ABCG2: variants seen among roughly 807,000 people sequenced by gnomAD.
ABCG2 encodes the protein broad substrate specificity ATP-binding cassette transporter ABCG2.
In ABCG2, 80 loss-of-function variants were observed where a neutral mutation model predicts 73.5. The ratio of observed to expected loss-of-function variants is 1.09; its 90% CI spans 0.91 to 1.31. ABCG2 has a LOEUF of 1.31. ABCG2 is among the 50% of genes most tolerant of loss of function. The pLI is 0.00. For missense variants in ABCG2, 796 were observed against 786.2 expected, an observed-to-expected ratio of 1.01 and a Z score of -0.15; for synonymous variants, 269 against 282.4, an observed-to-expected ratio of 0.95 and a Z score of 0.48.
At chr4:88,184,373 C>A (rs1363565332) in intron 1 of ABCG2, among the ~76,000 whole-genome samples, 1 of 152,108 alleles carries the variant, frequency 6.6e-6, no homozygotes, top group African/African-American at 2.4e-5. Context: ...GATACAAAAT[C>A]AACATACAAA....
At chr4:88,134,968 C>A (rs562705081) in intron 2 of ABCG2, among the ~76,000 whole-genome samples, 24 of 152,296 alleles carry the variant, frequency 1.6e-4, no homozygotes, top group African/African-American at 5.8e-4. Flanking sequence ...GTCCAGGGAT[C>A]AGCAGTTTTC....
intron 11 of ABCG2, among the ~76,000 whole-genome samples, chr4:88,099,751 C>G (rs1036305457): frequency 6.6e-6 from 1 of 152,204 alleles, no homozygotes; most frequent in Non-Finnish European, 1.5e-5. Flanking sequence ...TCCTCCCTCT[C>G]TTCAAAGAAT....
chr4:88,101,044 A>AT (rs1464914877), intron 11 of ABCG2, among the ~76,000 whole-genome samples, 186 bp downstream of exon 11: 2 of 152,080 alleles, frequency 1.3e-5, no homozygotes, highest in African/African-American at 4.8e-5. Context: ...CCCTATACAT[A>AT]TTTTCAAAAC....
chr4:88,186,048 A>G (rs1385259741), intron 1 of ABCG2, among the ~76,000 whole-genome samples: 1 of 152,178 alleles, frequency 6.6e-6, no homozygotes, highest in African/African-American at 2.4e-5. Flanking sequence ...TGACACAGAG[A>G]TATCTGCACT....
intron 1 of ABCG2, among the ~76,000 whole-genome samples, chr4:88,198,755 C>T (rs1235748143): frequency 1.3e-5 from 2 of 152,020 alleles, no homozygotes; most frequent in African/African-American, 4.8e-5. Flanking sequence ...ATGAAGATTG[C>T]CATTCATGAG....
intron 1 of ABCG2, among the ~76,000 whole-genome samples, chr4:88,227,580 C>T (rs975983405): frequency 6.6e-6 from 1 of 152,128 alleles, no homozygotes; most frequent in Non-Finnish European, 1.5e-5. Context: ...ATTCCCACGC[C>T]TGGGGCCTGA....
At chr4:88,175,194 T>G (rs1351722068) in intron 1 of ABCG2, among the ~76,000 whole-genome samples, 7 of 152,236 alleles carry the variant, frequency 4.6e-5, no homozygotes, top group Non-Finnish European at 1.0e-4. Flanking sequence ...CTTAATAGTT[T>G]CGTTAACCAC....
chr4:88,101,174 T>G (rs1470142018), intron 11 of ABCG2, 56 bp downstream of exon 11: 3 of 1,509,276 alleles, frequency 2.0e-6, no homozygotes, highest in Non-Finnish European at 2.8e-6. Flanking sequence ...GTAATCAGTC[T>G]AACCAATAGC....
chr4:88,174,147 T>TA (rs1301173619), intron 1 of ABCG2, among the ~76,000 whole-genome samples: 1 of 151,590 alleles, frequency 6.6e-6, no homozygotes, highest in Admixed American at 6.6e-5. Context: ...ACCTGACTGG[T>TA]GTTTTTTTTT....
chr4:88,208,762 G>C (rs1729472215), intron 1 of ABCG2, among the ~76,000 whole-genome samples: 1 of 152,148 alleles, frequency 6.6e-6, no homozygotes, highest in Non-Finnish European at 1.5e-5. Flanking sequence ...CCCAGACAAA[G>C]CAAATAAATT....
Position 88,139,892 on chromosome 4 carries a change from G to A in ABCG2, c.104C>T (p.Ala35Val). 2 of 1,614,124 alleles carry A rather than the reference G, an allele frequency of 1.2e-6. No homozygotes were observed. Among genetic ancestry groups the A allele is most frequent in the South Asian group, 2.2e-5 (2 of 91,074 alleles). The change falls in exon 2 of 16, where the codon GCT (alanine) becomes GTT (valine). Residue 35 changes from alanine to valine, a missense_variant. By Grantham distance (64) the Ala-to-Val change is moderately conservative. Coordinates refer to ENST00000237612, the MANE Select transcript of ABCG2 (RefSeq NM_004827.3). ...GCAGATGTTATGAAAACTTAACACA[G>A]CTCCTTCAGTAAATGCCTTCAGGTC... ...SNDLKAFTEG[A>V]VLSFHNICYR...
At chr4:88,154,221 C>T (rs1578237781) in intron 1 of ABCG2, among the ~76,000 whole-genome samples, 2 of 152,238 alleles carry the variant, frequency 1.3e-5, no homozygotes, top group South Asian at 2.1e-4. Context: ...TTGTCCTGAG[C>T]GATGGGATAT....
intron 1 of ABCG2, among the ~76,000 whole-genome samples, chr4:88,223,040 T>C (rs1009658065): frequency 2.8e-4 from 42 of 152,354 alleles, no homozygotes; most frequent in African/African-American, 8.7e-4. Context: ...AGCCCCTTCA[T>C]TGTGGCCAAT....
intron 1 of ABCG2, among the ~76,000 whole-genome samples, chr4:88,167,990 T>C (rs1727607195): frequency 6.7e-6 from 1 of 150,024 alleles, no homozygotes; most frequent in African/African-American, 2.5e-5. Flanking sequence ...AGACGAGAAA[T>C]GTCAAAAAGC....
intron 7 of ABCG2, among the ~76,000 whole-genome samples, chr4:88,116,933 T>A (rs1723614753): frequency 6.6e-6 from 1 of 152,124 alleles, no homozygotes; most frequent in Admixed American, 6.5e-5. Context: ...TGTCCAAGAT[T>A]GTTAGAAATT....
chr4:88,192,145 C>T lies in ABCG2; in HGVS notation c.-20+38849G>A, dbSNP rs145352346. ...GCGGTGAGCCAAGATCGTGTCACTG[C>T]ACTCCAGCCTGGGCGACAGAGCAAA... On this transcript the variant is annotated intron_variant, in intron 1 of 15. Coordinates refer to the ABCG2 transcript ENST00000515655. Among the ~76,000 whole-genome samples, 1,104 of 150,590 alleles carry T rather than the reference C, an allele frequency of 7.3e-3. 11 individuals are homozygous for T. Among genetic ancestry groups the T allele is most frequent in the African/African-American group, 0.026 (1,069 of 40,922 alleles).
intron 1 of ABCG2, among the ~76,000 whole-genome samples, chr4:88,197,105 AC>A (rs1728963753): frequency 7.0e-6 from 1 of 143,290 alleles, no homozygotes; most frequent in South Asian, 2.2e-4. Flanking sequence ...GTAGAATATT[AC>A]CCCCTACCCA....
intron 5 of ABCG2, among the ~76,000 whole-genome samples, chr4:88,127,645 C>T (rs1331001112): frequency 1.3e-5 from 2 of 152,142 alleles, no homozygotes; most frequent in Non-Finnish European, 1.5e-5. Context: ...TGATCTTTGA[C>T]ATACCTGACA....
intron 15 of ABCG2, among the ~76,000 whole-genome samples, chr4:88,093,517 A>C (rs1471054898): frequency 6.6e-6 from 1 of 151,736 alleles, no homozygotes; most frequent in Non-Finnish European, 1.5e-5. Flanking sequence ...AAAAAAAAAA[A>C]AAAAAAAGGA....
Sources: allele counts gnomAD v4.1 joint callset (sites outside exome capture counted in the v4.1 genomes callset), GRCh38; gene constraint gnomAD v4.1.1; transcripts MANE v1.5; gene names NCBI Gene and HGNC (gene_info 2026-07-23, HGNC 2026-07-21).